ARHGAP26: variants seen among roughly 807,000 people sequenced by gnomAD.
ARHGAP26 encodes the protein rho GTPase-activating protein 26.
Under a neutral mutation model 104.8 loss-of-function variants are expected in ARHGAP26, and 38 were observed. The observed-to-expected ratio is 0.36, with a 90% CI of 0.28 to 0.48. The LOEUF (loss-of-function observed/expected upper bound fraction) is 0.48, where lower values mean the gene tolerates loss of function less well. Among genes scored for constraint, ARHGAP26 ranks in the 20% least tolerant of loss-of-function variants. The pLI, the probability that ARHGAP26 is intolerant of heterozygous loss-of-function variation, is 0.99. For synonymous variants in ARHGAP26, 341 were observed against 340.0 expected (o/e 1.00, Z -0.03); for missense variants, 704 against 947.9 (o/e 0.74, Z 3.38).
intron 1 of ARHGAP26, among the ~76,000 whole-genome samples, chr5:142,791,536 A>G (rs1759813384): frequency 6.6e-6 from 1 of 152,170 alleles, no homozygotes; most frequent in African/African-American, 2.4e-5. Flanking sequence ...CCTAATCTTC[A>G]CACCTAGAAG....
intron 4 of ARHGAP26, among the ~76,000 whole-genome samples, chr5:142,880,907 TTC>T (rs3059616): frequency 0.091 from 13,910 of 152,268 alleles, 1,771 homozygotes; most frequent in African/African-American, 0.28. Context: ...GGCAAAGACT[TTC>T]TCCCAGTTTT....
intron 20 of ARHGAP26, among the ~76,000 whole-genome samples, chr5:143,154,852 A>AT (rs201538985): frequency 1.5e-4 from 22 of 150,714 alleles, no homozygotes; most frequent in Middle Eastern, 3.4e-3. Context: ...AATTCATAGC[A>AT]TTTTTTTTTT....
intron 1 of ARHGAP26, among the ~76,000 whole-genome samples, chr5:142,805,293 G>A (rs370945106): frequency 2.0e-5 from 3 of 151,976 alleles, no homozygotes; most frequent in South Asian, 2.1e-4. Flanking sequence ...GTAGATGTGC[G>A]GTTTTGCCAT....
At chr5:142,973,298 G>A (rs552566628) in intron 11 of ARHGAP26, among the ~76,000 whole-genome samples, 3 of 152,338 alleles carry the variant, frequency 2.0e-5, no homozygotes, top group African/African-American at 4.8e-5. Flanking sequence ...GTGGAGTCCT[G>A]TGCAGTATTT....
At chr5:143,029,729 C>T (rs548083949) in intron 12 of ARHGAP26, among the ~76,000 whole-genome samples, 1 of 152,228 alleles carries the variant, frequency 6.6e-6, no homozygotes, top group East Asian at 1.9e-4. Flanking sequence ...TGTTTTTATG[C>T]ATAACCTACA....
rs1426941016 is a variant in ARHGAP26 at position 142,885,373 on chromosome 5, A to G, written c.460A>G (p.Lys154Glu). ...ILEKHLNLSS[K>E]KKESQLQEAD... is the part of the protein sequence containing the mutation. ...AGAAAAACACTTGAATTTGTCTTCC[A>G]AAAAGAAAGAATCTCAGCTTCAGGA... The change falls in exon 5 of 23, where the codon AAA becomes GAA. Residue 154 changes from lysine to glutamate, a missense_variant. Around this residue, in one of 6 missense-constraint regions of ARHGAP26, gnomAD observed 106 missense variants for 120.5 expected, o/e 0.88. Transcript: ENST00000645722. 6.2e-7 allele frequency: 1 copy of G among 1,613,646 alleles called. No homozygotes were observed. The highest frequency in any genetic ancestry group is 1.7e-5 in the Admixed American group (1 of 60,014).
At chr5:143,166,769 T>G (rs1378978560) in intron 20 of ARHGAP26, among the ~76,000 whole-genome samples, 1 of 152,210 alleles carries the variant, frequency 6.6e-6, no homozygotes, top group Non-Finnish European at 1.5e-5. Flanking sequence ...GTTACCAACC[T>G]TTCAGCAGGA....
intron 5 of ARHGAP26, among the ~76,000 whole-genome samples, chr5:142,892,228 G>A (rs993819572): frequency 3.9e-5 from 6 of 151,966 alleles, no homozygotes; most frequent in Admixed American, 6.5e-5. Flanking sequence ...TCTAGATGAG[G>A]ATGGCTCTGC....
intron 10 of ARHGAP26, among the ~76,000 whole-genome samples, chr5:142,931,570 C>T (rs912576373): frequency 2.0e-5 from 3 of 152,168 alleles, no homozygotes; most frequent in African/African-American, 7.2e-5. Flanking sequence ...ATGTCTGAAG[C>T]AGTTTAGAAG....
intron 11 of ARHGAP26, among the ~76,000 whole-genome samples, chr5:142,935,469 C>T (rs996160123): frequency 2.0e-5 from 3 of 152,188 alleles, no homozygotes; most frequent in African/African-American, 7.2e-5. Flanking sequence ...TATAGCCTTG[C>T]TTCAGTAAAA....
At chr5:142,790,036 G>C (rs760312489) in intron 1 of ARHGAP26, among the ~76,000 whole-genome samples, 1 of 152,176 alleles carries the variant, frequency 6.6e-6, no homozygotes, top group Non-Finnish European at 1.5e-5. Flanking sequence ...AATGTTTATT[G>C]TACTCTAGCT....
Position 142,963,188 on chromosome 5 carries a change from A to ATATATATG in ARHGAP26, c.1107+31070_1107+31071insGTATATAT, listed in dbSNP as rs1554172222. Among the ~76,000 whole-genome samples, 16 of 109,796 alleles carry ATATATATG rather than the reference A, an allele frequency of 1.5e-4. 1 individual carries two copies. The highest frequency in any genetic ancestry group is 8.2e-4 in the African/African-American group (16 of 19,554). 72.0% of individuals were successfully genotyped at this position (109,796 alleles called of 152,430 possible). On this transcript the variant is annotated intron_variant, in intron 11 of 22. Coordinates refer to ENST00000645722, the MANE Select transcript of ARHGAP26 (RefSeq NM_001135608.3). Reference sequence around the variant, plus strand: ...GGTATATATGTATATATATATATATATATATATATATGTGTGTGTGTGTGT... The same window carrying ATATATATG: ...GGTATATATGTATATATATATATATATATATATGTATATATATATGTGTGTGTGTGTGT...
At chr5:142,975,973 A>C (rs1773016219) in intron 11 of ARHGAP26, among the ~76,000 whole-genome samples, 1 of 152,184 alleles carries the variant, frequency 6.6e-6, no homozygotes, top group African/African-American at 2.4e-5. Context: ...ATGGAGGAAA[A>C]ACTCTCCGTG....
rs138439268 is a variant in ARHGAP26 at position 142,872,504 on chromosome 5, G to A, written c.155-896G>A. On this transcript the variant is annotated intron_variant, in intron 1 of 22. Transcript: ENST00000645722. ...GCAGGAAGACTGCACATGGAATTAAGTTAAGCACATTTGTCCTCAGCAGCC... is the reference window on the plus strand; with the variant it reads ...GCAGGAAGACTGCACATGGAATTAAATTAAGCACATTTGTCCTCAGCAGCC... Among the ~76,000 whole-genome samples the A allele has an allele frequency of 1.9e-3, 296 of 152,268 alleles. 3 individuals carry two copies. The highest frequency in any genetic ancestry group is 0.015 in the Admixed American group (229 of 15,294).
chr5:142,917,319 G>A (rs534105251), intron 10 of ARHGAP26, among the ~76,000 whole-genome samples: 8 of 152,240 alleles, frequency 5.3e-5, no homozygotes, highest in African/African-American at 1.7e-4. Context: ...GATTACAGGC[G>A]TGAGCCACCA....
At chr5:143,131,701 A>G (rs944816129) in intron 18 of ARHGAP26, among the ~76,000 whole-genome samples, 3 of 152,204 alleles carry the variant, frequency 2.0e-5, no homozygotes, top group Non-Finnish European at 2.9e-5. Context: ...GCTGTGTGGC[A>G]TTGTAAGATA....
intron 11 of ARHGAP26, among the ~76,000 whole-genome samples, chr5:142,974,670 G>T (rs765021100): frequency 2.4e-4 from 37 of 152,126 alleles, no homozygotes; most frequent in Non-Finnish European, 5.1e-4. Flanking sequence ...GCAGGGCTCC[G>T]CTCCCGCCTG....
chr5:143,027,835 A>G (rs1275914613), intron 12 of ARHGAP26, among the ~76,000 whole-genome samples: 1 of 152,342 alleles, frequency 6.6e-6, no homozygotes. Flanking sequence ...ATTGCTTAGT[A>G]TATAGTACAG....
intron 12 of ARHGAP26, among the ~76,000 whole-genome samples, chr5:143,032,545 G>A (rs1782022180): frequency 6.6e-6 from 1 of 152,312 alleles, no homozygotes; most frequent in African/African-American, 2.4e-5. Context: ...TCCATCTGGC[G>A]AGCCACTCAG....
Sources: allele counts gnomAD v4.1 joint callset (sites outside exome capture counted in the v4.1 genomes callset), GRCh38; gene constraint gnomAD v4.1.1; regional missense constraint gnomAD v4.1.1; transcripts MANE v1.5; gene names NCBI Gene and HGNC (gene_info 2026-07-23, HGNC 2026-07-21).